Variants in CYP2C19 observed in about 807,000 individuals in gnomAD.
The protein encoded by CYP2C19 is cytochrome P450 2C19.
CYP2C19 carries 59 observed loss-of-function variants against 40.9 expected under a neutral mutation model. The ratio of observed to expected loss-of-function variants is 1.44; its 90% CI spans 1.17 to 1.79. CYP2C19 has a LOEUF of 1.79. Ranked by LOEUF, CYP2C19 falls within the 40% of genes most tolerant of loss-of-function variation. The pLI is 0.00. For synonymous variants in CYP2C19, 253 were observed against 208.7 expected, an observed-to-expected ratio of 1.21 and a Z score of -1.83; for missense variants, 754 against 596.9, an observed-to-expected ratio of 1.26 and a Z score of -2.74.
chr10:94,769,158 G>A (rs918170688), intron 1 of CYP2C19, among the ~76,000 whole-genome samples: 11 of 151,976 alleles, frequency 7.2e-5, no homozygotes, highest in Admixed American at 2.0e-4. Flanking sequence ...CTGGGCCTTT[G>A]ACCTAGACGC....
intron 1 of CYP2C19, among the ~76,000 whole-genome samples, chr10:94,765,594 C>T (rs965364735): frequency 6.6e-6 from 1 of 151,982 alleles, no homozygotes; most frequent in South Asian, 2.1e-4. Flanking sequence ...CTACTAGGAA[C>T]CATTCAAGAG....
At position 94,775,046 on chromosome 10, in the gene CYP2C19, C is replaced by A. The variant is rs778709220; in HGVS notation, c.169-12C>A. 3.1e-6 allele frequency: 5 copies of A among 1,613,626 alleles called. No individual in the cohort carries two copies. The Admixed American group carries it at 8.3e-5, about 27-fold the overall frequency. On this transcript the variant is annotated splice_polypyrimidine_tract_variant and intron_variant, in intron 1 of 8. Coordinates refer to ENST00000371321, the MANE Select transcript of CYP2C19 (RefSeq NM_000769.4). Reference sequence around the variant, plus strand: ...TGACTTCATTTGCTGTTAACTGTATCTCCTTTTCTAGCTCTCAAAAATCTA... The same window carrying A: ...TGACTTCATTTGCTGTTAACTGTATATCCTTTTCTAGCTCTCAAAAATCTA...
intron 7 of CYP2C19, among the ~76,000 whole-genome samples, chr10:94,843,657 A>G (rs11592737): frequency 0.2 from 30,642 of 152,176 alleles, 3,279 homozygotes; most frequent in Middle Eastern, 0.23. Flanking sequence ...TTCATAATTT[A>G]TCTCTAGATT....
chr10:94,828,756 A>T (rs1005696905), intron 6 of CYP2C19, among the ~76,000 whole-genome samples: 9 of 151,690 alleles, frequency 5.9e-5, no homozygotes, highest in Admixed American at 2.6e-4. Context: ...TTCTTCCTAG[A>T]CTCGATGGTC....
At position 94,842,962 on chromosome 10, in the gene CYP2C19, C is replaced by T. The variant is rs760564897; in HGVS notation, c.1087C>T (p.Pro363Ser). The change falls in exon 7 of 9, where the codon CCC becomes TCC. Residue 363 changes from proline (P) to serine (S), a missense_variant. Pro to Ser is a moderately conservative substitution (Grantham distance 74). Transcript: ENST00000371321. ...HEVQRYIDLI[P>S]TSLPHAVTCD... ...GGTCCAGAGATACATCGACCTCATC[C>T]CCACCAGCCTGCCCCATGCAGTGAC... 2.5e-6 allele frequency: 4 copies of T among 1,614,186 alleles called. No individual in the cohort carries two copies. The highest frequency in any genetic ancestry group is 1.7e-5 in the Admixed American group (1 of 60,024).
rs192643600 is a variant in CYP2C19 at position 94,763,606 on chromosome 10, C to T, written c.168+733C>T. Among the ~76,000 whole-genome samples, 40 of 151,956 alleles carry T rather than the reference C, an allele frequency of 2.6e-4. 1 individual carries two copies. Among genetic ancestry groups the T allele is most frequent in the Admixed American group, 4.6e-4 (7 of 15,270 alleles). ...AAAGGGCTGCGATTAGTATATTAAGCCTTATAAGCATGATGGTATGATCAG... is the reference window on the plus strand; with the variant it reads ...AAAGGGCTGCGATTAGTATATTAAGTCTTATAAGCATGATGGTATGATCAG... On this transcript the variant is annotated intron_variant, in intron 1 of 8. Transcript: ENST00000371321.
At chr10:94,820,697 A>G in intron 6 of CYP2C19, 60 bp downstream of exon 6, 4 of 1,597,682 alleles carry the variant, frequency 2.5e-6, no homozygotes, top group Non-Finnish European at 3.4e-6. Flanking sequence ...AGGTGCTGCT[A>G]GTGTTCTCCT....
intron 5 of CYP2C19, among the ~76,000 whole-genome samples, chr10:94,790,772 A>C (rs934725902): frequency 6.6e-6 from 1 of 152,116 alleles, no homozygotes; most frequent in African/African-American, 2.4e-5. Flanking sequence ...TCAGTTTGCC[A>C]GTATTTTATT....
intron 5 of CYP2C19, among the ~76,000 whole-genome samples, chr10:94,808,432 A>G (rs543231745): frequency 6.6e-6 from 1 of 152,298 alleles, no homozygotes; most frequent in East Asian, 1.9e-4. Context: ...TATGTTACAG[A>G]CAATCGAATT....
At chr10:94,836,524 A>G (rs1849406240) in intron 6 of CYP2C19, among the ~76,000 whole-genome samples, 3 of 152,222 alleles carry the variant, frequency 2.0e-5, no homozygotes. Context: ...CTAAATGGAT[A>G]TTGACTTTCT....
At chr10:94,842,054 C>G (rs865831951) in intron 6 of CYP2C19, among the ~76,000 whole-genome samples, 1 of 152,162 alleles carries the variant, frequency 6.6e-6, no homozygotes, top group Non-Finnish European at 1.5e-5. Flanking sequence ...TGTTGATTTT[C>G]TATCTGGATG....
intron 5 of CYP2C19, among the ~76,000 whole-genome samples, chr10:94,797,573 C>T (rs1378418735): frequency 6.6e-6 from 1 of 152,034 alleles, no homozygotes; most frequent in Non-Finnish European, 1.5e-5. Context: ...GTACCATCTC[C>T]TCTTGGTACC....
intron 5 of CYP2C19, among the ~76,000 whole-genome samples, chr10:94,802,475 G>A (rs1848779712): frequency 6.6e-6 from 1 of 152,072 alleles, no homozygotes; most frequent in Non-Finnish European, 1.5e-5. Flanking sequence ...GCCTATGGGT[G>A]TCTCTGCATG....
At chr10:94,811,931 AT>A (rs1848931348) in intron 5 of CYP2C19, among the ~76,000 whole-genome samples, 1 of 149,372 alleles carries the variant, frequency 6.7e-6, no homozygotes, top group South Asian at 2.2e-4. Flanking sequence ...CTAGCTGATT[AT>A]TTTGCCTTTT....
intron 1 of CYP2C19, among the ~76,000 whole-genome samples, chr10:94,767,647 G>A (rs2134230825): frequency 2.0e-5 from 3 of 152,282 alleles, no homozygotes; most frequent in Admixed American, 2.0e-4. Flanking sequence ...CTACCTGTCG[G>A]ATTGTCCAGA....
intron 6 of CYP2C19, among the ~76,000 whole-genome samples, chr10:94,832,185 G>T (rs1302340627): frequency 3.9e-5 from 6 of 152,056 alleles, no homozygotes; most frequent in Non-Finnish European, 7.4e-5. Context: ...TACGTTCTTG[G>T]TACCTGTGTT....
At chr10:94,847,787 G>A (rs1045213218) in intron 7 of CYP2C19, among the ~76,000 whole-genome samples, 7 of 152,202 alleles carry the variant, frequency 4.6e-5, no homozygotes, top group African/African-American at 1.7e-4. Context: ...GTGTGAGATG[G>A]TATCTCATTG....
In CYP2C19 at chr10:94,843,169, G is replaced by A. The variant is rs566228481; in HGVS notation, c.1149+145G>A. The stretch of plus-strand genomic sequence containing the variant: ...TTAATTGGACTTTCTGTTGATTCCA[G>A]TTTGGGACTATAAAGATTTGTAACA... On this transcript the variant is annotated intron_variant, in intron 7 of 8. Transcript: ENST00000371321. The A allele has an allele frequency of 4.1e-6, 4 of 984,584 alleles. No individual in the cohort carries two copies. The South Asian group carries it at 4.4e-5, about 11-fold the overall frequency. The allele number at this position is 984,584 out of a possible 1,614,324, so 61.0% of individuals were successfully genotyped here.
At chr10:94,798,278 A>G (rs1159740514) in intron 5 of CYP2C19, among the ~76,000 whole-genome samples, 2 of 152,112 alleles carry the variant, frequency 1.3e-5, no homozygotes, top group Non-Finnish European at 2.9e-5. Flanking sequence ...CAGGTTGTTC[A>G]GTTTCCAAGG....
Sources: allele counts gnomAD v4.1 joint callset (sites outside exome capture counted in the v4.1 genomes callset), GRCh38; gene constraint gnomAD v4.1.1; transcripts MANE v1.5; gene names NCBI Gene and HGNC (gene_info 2026-07-23, HGNC 2026-07-21).